The following AOPEP variants were observed in gnomAD, a reference collection of about 807,000 sequenced individuals.
AOPEP encodes aminopeptidase O (putative).
Under a neutral mutation model 98.1 loss-of-function variants are expected in AOPEP, and 77 were observed. The observed-to-expected ratio is 0.78, with a 90% CI of 0.65 to 0.95. The LOEUF (loss-of-function observed/expected upper bound fraction) is 0.95, where lower values mean the gene tolerates loss of function less well. AOPEP is among the 40% of genes least tolerant of loss of function. The probability of loss-of-function intolerance (pLI) is 0.00; values close to 1 mark genes in which losing one functional copy is unlikely to be tolerated. For synonymous variants in AOPEP, 346 were observed against 365.3 expected (o/e 0.95, Z 0.60); for missense variants, 1,024 against 1,024.7 (o/e 1.00, Z 0.01).
intron 13 of AOPEP, among the ~76,000 whole-genome samples, chr9:95,051,158 C>T (rs1320544913): frequency 7.1e-5 from 10 of 140,242 alleles, no homozygotes; most frequent in African/African-American, 2.4e-4. Flanking sequence ...GGCGTGATCT[C>T]GACTCACTGC....
intron 5 of AOPEP, among the ~76,000 whole-genome samples, chr9:94,814,054 A>G (rs917817458): frequency 6.6e-6 from 1 of 152,240 alleles, no homozygotes; most frequent in Admixed American, 6.5e-5. Context: ...TGGAATATCT[A>G]TGTTGAGCAG....
chr9:95,133,478 G>A, the AOPEP span, among the ~76,000 whole-genome samples: 4 of 152,238 alleles, frequency 2.6e-5, no homozygotes, highest in African/African-American at 9.6e-5. Context: ...GGAGATTACT[G>A]TAAACTACAA....
intron 7 of AOPEP, among the ~76,000 whole-genome samples, 194 bp from the exon 8 acceptor site, chr9:94,954,983 A>G (rs1015801387): frequency 6.6e-6 from 1 of 152,200 alleles, no homozygotes; most frequent in Non-Finnish European, 1.5e-5. Flanking sequence ...CCAATAGCCA[A>G]CTTCAGGTTC....
chr9:94,793,608 T>G (rs1198436006), intron 4 of AOPEP, among the ~76,000 whole-genome samples: 1 of 144,742 alleles, frequency 6.9e-6, no homozygotes, highest in Admixed American at 7.0e-5. Context: ...ACCTGGGAGG[T>G]AGAGGTTGCA....
At chr9:94,847,026 G>A (rs1267434254) in intron 5 of AOPEP, among the ~76,000 whole-genome samples, 1 of 151,940 alleles carries the variant, frequency 6.6e-6, no homozygotes, top group Non-Finnish European at 1.5e-5. Flanking sequence ...GAGTAAAGTG[G>A]GTCTTTGATG....
intron 11 of AOPEP, among the ~76,000 whole-genome samples, chr9:94,995,917 G>A (rs1589204244): frequency 1.3e-5 from 2 of 152,150 alleles, no homozygotes; most frequent in African/African-American, 4.8e-5. Context: ...ATCCCTAGTA[G>A]AAAGAAGTTA....
intron 13 of AOPEP, among the ~76,000 whole-genome samples, chr9:95,031,958 T>G (rs1311132497): frequency 6.6e-6 from 1 of 152,238 alleles, no homozygotes; most frequent in Non-Finnish European, 1.5e-5. Flanking sequence ...ACAGCTTTTT[T>G]CAGTGCTTAC....
intron 13 of AOPEP, among the ~76,000 whole-genome samples, chr9:95,059,535 G>T (rs75441980): frequency 5.4e-4 from 82 of 152,040 alleles, no homozygotes; most frequent in African/African-American, 1.9e-3. Flanking sequence ...GAATGAGTGA[G>T]GGGGTAAGGG....
chr9:94,838,845 A>C (rs2041929202), intron 5 of AOPEP, among the ~76,000 whole-genome samples: 1 of 151,686 alleles, frequency 6.6e-6, no homozygotes, highest in South Asian at 2.1e-4. Context: ...GTATTTTACC[A>C]GATTGATACC....
At chr9:94,991,250 G>A (rs1197312468) in intron 11 of AOPEP, among the ~76,000 whole-genome samples, 1 of 152,176 alleles carries the variant, frequency 6.6e-6, no homozygotes, top group Admixed American at 6.5e-5. Flanking sequence ...CTTCTCTTTT[G>A]TGGAAGCCAT....
the AOPEP span, among the ~76,000 whole-genome samples, chr9:95,117,923 T>C: frequency 6.6e-6 from 1 of 152,162 alleles, no homozygotes; most frequent in Admixed American, 6.5e-5. Flanking sequence ...AGTTTCTCCA[T>C]GTTGGTCAGG....
In AOPEP at chr9:94,760,270, G is replaced by A. The variant is rs758157613; in HGVS notation, c.487G>A (p.Ala163Thr). The change falls in exon 2 of 17, where the codon GCT becomes ACT. Residue 163 changes from alanine (A) to threonine (T), a missense_variant. Transcript: ENST00000375315. ...AAAAGTCGAGGAGGTGGATGTTGCTGCTGTGCCAGGTCTGGAAAAATTTAC... is the reference window on the plus strand; with the variant it reads ...AAAAGTCGAGGAGGTGGATGTTGCTACTGTGCCAGGTCTGGAAAAATTTAC... ...VLKVEEVDVA[A>T]VPGLEKFTRS... 1 of 1,614,056 alleles carries A rather than the reference G, an allele frequency of 6.2e-7. No individual in the cohort carries two copies. Among genetic ancestry groups the A allele is most frequent in the East Asian group, 2.2e-5 (1 of 44,894 alleles).
intron 11 of AOPEP, among the ~76,000 whole-genome samples, chr9:95,000,604 A>G (rs890877781): frequency 1.3e-5 from 2 of 152,146 alleles, no homozygotes; most frequent in South Asian, 2.1e-4. Flanking sequence ...GCTACTGGGG[A>G]GGCTGAGGCA....
In AOPEP at chr9:95,066,201, G is replaced by C. The variant is rs559722094; in HGVS notation, c.2232+5391G>C. 7.9e-5 allele frequency among the ~76,000 whole-genome samples: 12 copies of C among 152,244 alleles called. No individual in the cohort carries two copies. The South Asian group carries it at 2.5e-3, about 32-fold the overall frequency. ...TTTCAGAACATTCTTTCAAAGTCAG[G>C]ACGGTCTGTCTCTCAGTACATCCTT... On this transcript the variant is annotated intron_variant, in intron 14 of 16. Coordinates refer to ENST00000375315, the MANE Select transcript of AOPEP (RefSeq NM_001193329.3).
the AOPEP span, chr9:95,135,327 A>G: frequency 6.2e-7 from 1 of 1,613,032 alleles, no homozygotes; most frequent in East Asian, 2.2e-5. Context: ...TTTTCCCTTC[A>G]TCAAAACCCA....
chr9:94,771,651 T>TA (rs1408385640), intron 2 of AOPEP, among the ~76,000 whole-genome samples: 1 of 152,140 alleles, frequency 6.6e-6, no homozygotes, highest in African/African-American at 2.4e-5. Flanking sequence ...TGGCTAGAAA[T>TA]ACGTTACTTC....
intron 7 of AOPEP, among the ~76,000 whole-genome samples, chr9:94,937,186 C>G (rs908070391): frequency 5.3e-5 from 8 of 152,218 alleles, no homozygotes; most frequent in African/African-American, 1.9e-4. Context: ...CCTCCTGAAG[C>G]TACCTAGGGG....
At chr9:94,935,779 A>C (rs1306079980) in intron 7 of AOPEP, among the ~76,000 whole-genome samples, 1 of 151,730 alleles carries the variant, frequency 6.6e-6, no homozygotes, top group African/African-American at 2.4e-5. Flanking sequence ...CAGCAGCCCC[A>C]CTCTCTCTAA....
chr9:94,862,587 A>C (rs2045176515), intron 5 of AOPEP, among the ~76,000 whole-genome samples: 1 of 152,128 alleles, frequency 6.6e-6, no homozygotes, highest in Admixed American at 6.5e-5. Context: ...GCCAGTTTCC[A>C]CTGCATCTCC....
Sources: allele counts gnomAD v4.1 joint callset (sites outside exome capture counted in the v4.1 genomes callset), GRCh38; gene constraint gnomAD v4.1.1; transcripts MANE v1.5; gene names NCBI Gene and HGNC (gene_info 2026-07-23, HGNC 2026-07-21).